Variants in CAMTA1 observed in about 807,000 individuals in gnomAD.
CAMTA1 encodes the protein calmodulin-binding transcription activator 1.
Under a neutral mutation model 170.9 loss-of-function variants are expected in CAMTA1, and 27 were observed. The ratio of observed to expected loss-of-function variants is 0.16; its 90% confidence interval spans 0.12 to 0.22. The LOEUF is 0.22. CAMTA1 is among the 10% of genes least tolerant of loss of function. The pLI, the probability that CAMTA1 is intolerant of heterozygous loss-of-function variation, is 1.00. For synonymous variants in CAMTA1, 833 were observed against 891.5 expected, an observed-to-expected ratio of 0.93 and a Z score of 1.17; for missense variants, 1,619 against 2,217.2, an observed-to-expected ratio of 0.73 and a Z score of 5.42.
chr1:7,365,874 G>C (rs2085923697), intron 5 of CAMTA1, among the ~76,000 whole-genome samples: 1 of 152,284 alleles, frequency 6.6e-6, no homozygotes, highest in African/African-American at 2.4e-5. Flanking sequence ...CACTCCTCCG[G>C]GCAGCTCCTG....
At chr1:6,848,362 C>G (rs982690763) in intron 3 of CAMTA1, among the ~76,000 whole-genome samples, 2 of 152,122 alleles carry the variant, frequency 1.3e-5, no homozygotes, top group African/African-American at 4.8e-5. Context: ...TACATTTCCC[C>G]GGCCTTGAAC....
rs1281812151 is a variant in CAMTA1, at chr1:7,299,744, C to A, written c.438+50118C>A. On this transcript the variant is annotated intron_variant, in intron 5 of 22. Coordinates refer to ENST00000303635, the MANE Select transcript of CAMTA1 (RefSeq NM_015215.4). This position sits in a 1 kb window ranked among gnomAD's most constrained non-coding sequence, Gnocchi z 4.7. ...AGAGGGTACAAGGAGGTGTTCCAAC[C>A]CCTCACTGAGACAGGATTTCTAGCC... Among the ~76,000 whole-genome samples, 1 of 152,204 alleles carries A rather than the reference C, an allele frequency of 6.6e-6. No individual in the cohort carries two copies. The highest frequency in any genetic ancestry group is 2.4e-5 in the African/African-American group (1 of 41,452).
At chr1:7,404,600 G>A (rs1223775485) in intron 5 of CAMTA1, among the ~76,000 whole-genome samples, 8 of 152,124 alleles carry the variant, frequency 5.3e-5, no homozygotes, top group African/African-American at 1.9e-4. Context: ...AGGAGTTTTG[G>A]GGACCCTCTC....
intron 6 of CAMTA1, among the ~76,000 whole-genome samples, chr1:7,513,292 A>C (rs2149900219): frequency 6.6e-6 from 1 of 152,254 alleles, no homozygotes; most frequent in African/African-American, 2.4e-5. Context: ...TGGTCTTGCC[A>C]TCGTAATGGC....
At chr1:7,156,216 G>A (rs1356020369) in intron 4 of CAMTA1, among the ~76,000 whole-genome samples, 1 of 150,970 alleles carries the variant, frequency 6.6e-6, no homozygotes, top group Non-Finnish European at 1.5e-5. Flanking sequence ...GGAGATTGCA[G>A]TGAGCTGAGA....
intron 5 of CAMTA1, among the ~76,000 whole-genome samples, chr1:7,324,273 C>A (rs1574682249): frequency 6.6e-6 from 1 of 152,092 alleles, no homozygotes; most frequent in East Asian, 1.9e-4. Flanking sequence ...GCCTTGAAAT[C>A]TATTTTATCT....
intron 3 of CAMTA1, among the ~76,000 whole-genome samples, chr1:7,061,260 G>A (rs748693954): frequency 3.0e-4 from 46 of 152,338 alleles, no homozygotes; most frequent in Non-Finnish European, 5.7e-4. Context: ...GGTCCTGCCC[G>A]GAGCAGAGCA....
intron 5 of CAMTA1, among the ~76,000 whole-genome samples, chr1:7,329,230 T>A (rs2149730170): frequency 6.6e-6 from 1 of 152,298 alleles, no homozygotes; most frequent in South Asian, 2.1e-4. Flanking sequence ...TAATGTAACT[T>A]CTAATTATGT....
Position 7,707,990 on chromosome 1 carries a change from A to T in CAMTA1, c.2915-24458A>T, listed in dbSNP as rs552721254. ...TTACTCTTCACCCCACAGGCAGTAC[A>T]GCAAGTGACTCATTAAAACCATGAT... is the stretch of plus-strand genomic sequence containing the variant. On this transcript the variant is annotated intron_variant, in intron 11 of 22. Coordinates refer to ENST00000303635, the MANE Select transcript of CAMTA1 (RefSeq NM_015215.4). Among the ~76,000 whole-genome samples, 104 of 152,342 alleles carry T rather than the reference A, an allele frequency of 6.8e-4. 1 individual carries two copies. The highest frequency in any genetic ancestry group is 2.5e-3 in the African/African-American group (102 of 41,582).
intron 3 of CAMTA1, among the ~76,000 whole-genome samples, chr1:6,937,081 T>C (rs978541813): frequency 6.6e-6 from 1 of 151,562 alleles, no homozygotes; most frequent in Non-Finnish European, 1.5e-5. Flanking sequence ...CCATCACTTA[T>C]CACCATCACC....
intron 3 of CAMTA1, among the ~76,000 whole-genome samples, chr1:7,039,698 G>A (rs1033472259): frequency 2.6e-5 from 4 of 152,136 alleles, no homozygotes; most frequent in East Asian, 1.9e-4. Context: ...AAGATGAGGC[G>A]CTTAGATTTG....
chr1:7,635,887 C>T lies in CAMTA1; in HGVS notation c.511-4513C>T, dbSNP rs751417216. The stretch of plus-strand genomic sequence containing the variant: ...ATAAAATTGCAACATTGCCAAGAAG[C>T]GATGTGTGCCCCAAATTTCCAAAAT... On this transcript the variant is annotated intron_variant, in intron 6 of 22. Transcript: ENST00000303635. This position sits in a 1 kb window ranked among gnomAD's most constrained non-coding sequence, Gnocchi z 4.4. Among the ~76,000 whole-genome samples, 2 of 152,196 alleles carry T rather than the reference C, an allele frequency of 1.3e-5. No individual in the cohort carries two copies. Among genetic ancestry groups the T allele is most frequent in the Non-Finnish European group, 1.5e-5 (1 of 68,042 alleles).
chr1:7,626,022 G>T (rs1270324435), intron 6 of CAMTA1, among the ~76,000 whole-genome samples: 2 of 152,204 alleles, frequency 1.3e-5, no homozygotes, highest in African/African-American at 4.8e-5. Context: ...GCCCTGCAGT[G>T]GCTTTGTTAA....
At chr1:7,172,380 G>C (rs1341600614) in intron 4 of CAMTA1, among the ~76,000 whole-genome samples, 1 of 152,162 alleles carries the variant, frequency 6.6e-6, no homozygotes, top group Non-Finnish European at 1.5e-5. Context: ...GGACTCCTGA[G>C]CTCAAGTGAT....
intron 4 of CAMTA1, among the ~76,000 whole-genome samples, chr1:7,141,104 G>C (rs530338968): frequency 6.6e-6 from 1 of 152,246 alleles, no homozygotes; most frequent in African/African-American, 2.4e-5. Context: ...GCAGGCCAAA[G>C]GGTAGCTCCC....
intron 5 of CAMTA1, among the ~76,000 whole-genome samples, chr1:7,429,008 A>G (rs1165559319): frequency 1.3e-5 from 2 of 152,220 alleles, no homozygotes; most frequent in Non-Finnish European, 2.9e-5. Flanking sequence ...CCTCTAATGG[A>G]CGCCTCTAAT....
At chr1:6,814,114 G>A (rs1339257607) in intron 1 of CAMTA1, among the ~76,000 whole-genome samples, 1 of 152,174 alleles carries the variant, frequency 6.6e-6, no homozygotes. Context: ...CTCATTTTGA[G>A]TATGTTAGGA....
At position 7,007,215 on chromosome 1, in the gene CAMTA1, G is replaced by C. The variant is rs1699130404; in HGVS notation, c.235-84089G>C. Among the ~76,000 whole-genome samples the C allele has an allele frequency of 6.6e-6, 1 of 152,118 alleles. No individual in the cohort carries two copies. Among genetic ancestry groups the C allele is most frequent in the Admixed American group, 6.5e-5 (1 of 15,278 alleles). ...AACTGATCACATAGGATCTCACGTG[G>C]GGAGCATCGACCAGGAGAGGGGTCC... On this transcript the variant is annotated intron_variant, in intron 3 of 22. Transcript: ENST00000303635. The surrounding 1 kb of genome is among the most constrained non-coding windows in gnomAD (Gnocchi z 4.5).
At position 7,644,146 on chromosome 1, in the gene CAMTA1, C is replaced by G. The variant is rs2095787421; in HGVS notation, c.664+3593C>G. On this transcript the variant is annotated intron_variant, in intron 7 of 22. Transcript: ENST00000303635. ...GGGCTGAAGGGAGATGGGTCTGCAG[C>G]CTTCACCTCACCTGCTGTGAGATGG... Among the ~76,000 whole-genome samples, 3 of 152,140 alleles carry G rather than the reference C, an allele frequency of 2.0e-5. No individual in the cohort carries two copies. The South Asian group carries it at 6.2e-4, about 32-fold the overall frequency.
Sources: allele counts gnomAD v4.1 joint callset (sites outside exome capture counted in the v4.1 genomes callset), GRCh38; gene constraint gnomAD v4.1.1; non-coding constraint Gnocchi (gnomAD v3.1); transcripts MANE v1.5; gene names NCBI Gene and HGNC (gene_info 2026-07-23, HGNC 2026-07-21).